CAMTA1: variants seen among roughly 807,000 people sequenced by gnomAD.
CAMTA1 encodes the protein calmodulin binding transcription activator 1.
In CAMTA1, 27 loss-of-function variants were observed where a neutral mutation model predicts 170.9. The ratio of observed to expected loss-of-function variants is 0.16; its 90% CI spans 0.12 to 0.22. The LOEUF (loss-of-function observed/expected upper bound fraction) is 0.22, where lower values mean the gene tolerates loss of function less well. Among genes scored for constraint, CAMTA1 ranks in the 10% least tolerant of loss-of-function variants. CAMTA1 has a pLI of 1.00. For missense variants in CAMTA1, 1,619 were observed against 2,217.2 expected, an observed-to-expected ratio of 0.73 and a Z score of 5.42; for synonymous variants, 833 against 891.5, an observed-to-expected ratio of 0.93 and a Z score of 1.17.
At position 7,663,604 on chromosome 1, in the gene CAMTA1, G is replaced by A. The variant is rs1325441787; in HGVS notation, c.1057G>A (p.Asp353Asn). ...CTCCACCAACCAGGTGGAAGTCCCCGACACCACCCAGAGCTCCCCTGTGTC... is the reference window on the plus strand; with the variant it reads ...CTCCACCAACCAGGTGGAAGTCCCCAACACCACCCAGAGCTCCCCTGTGTC... ...VSSTNQVEVP[D>N]TTQSSPVSIS... The change falls in exon 9 of 23, where the codon GAC (aspartate) becomes AAC (asparagine). Residue 353 changes from aspartate to asparagine, a missense_variant. Around this residue, in one of 8 missense-constraint regions of CAMTA1, gnomAD observed 731 missense variants for 907.6 expected, o/e 0.81. Coordinates refer to ENST00000303635, the MANE Select transcript of CAMTA1 (RefSeq NM_015215.4). 3 of 1,614,088 alleles carry A rather than the reference G, an allele frequency of 1.9e-6. No homozygotes were observed. The highest frequency in any genetic ancestry group is 2.5e-6 in the Non-Finnish European group (3 of 1,180,022).
Position 7,675,376 on chromosome 1 carries a change from G to C in CAMTA1, c.2780-2223G>C, listed in dbSNP as rs543107140. Among the ~76,000 whole-genome samples the C allele has an allele frequency of 5.3e-5, 8 of 152,334 alleles. No homozygotes were observed. In the East Asian group the frequency reaches 1.5e-3, roughly 29 times the overall value. On this transcript the variant is annotated intron_variant, in intron 10 of 22. Transcript: ENST00000303635. ...TTTGGTTTGATGTTACTTGCAATGG[G>C]AGGCTGTTAGCTTTAAGCAGGGAGT...
At chr1:7,030,991 T>C (rs1702714524) in intron 3 of CAMTA1, among the ~76,000 whole-genome samples, 4 of 146,500 alleles carry the variant, frequency 2.7e-5, no homozygotes, top group Admixed American at 6.9e-5. Flanking sequence ...CTCGCCACCA[T>C]GCCCAGCTAA....
chr1:7,495,460 C>T (rs564531977), intron 6 of CAMTA1, among the ~76,000 whole-genome samples: 12 of 152,312 alleles, frequency 7.9e-5, no homozygotes, highest in African/African-American at 2.9e-4. Context: ...GCCCCATGTT[C>T]CATCCCCAGA....
rs530894786 is a variant in CAMTA1, at chr1:7,540,488, C to T, written c.510+72587C>T. 4.6e-5 allele frequency among the ~76,000 whole-genome samples: 7 copies of T among 152,304 alleles called. No homozygotes were observed. In the East Asian group the frequency reaches 1.2e-3, roughly 25 times the overall value. Reference sequence around the variant, plus strand: ...GGGAGAATAGAAGCTGGAAGGGTAGCAGTCCGGCATCCAGGCCCCAGCTCA... The same window carrying T: ...GGGAGAATAGAAGCTGGAAGGGTAGTAGTCCGGCATCCAGGCCCCAGCTCA... On this transcript the variant is annotated intron_variant, in intron 6 of 22. Coordinates refer to ENST00000303635, the MANE Select transcript of CAMTA1 (RefSeq NM_015215.4).
At chr1:6,851,691 C>CA (rs1393520969) in intron 3 of CAMTA1, among the ~76,000 whole-genome samples, 2 of 152,070 alleles carry the variant, frequency 1.3e-5, no homozygotes, top group Non-Finnish European at 2.9e-5. Flanking sequence ...TCAGCCTAGC[C>CA]AATGTGGCAA....
intron 6 of CAMTA1, among the ~76,000 whole-genome samples, chr1:7,511,528 T>C (rs1251254943): frequency 6.6e-6 from 1 of 152,156 alleles, no homozygotes; most frequent in East Asian, 1.9e-4. Flanking sequence ...GATATGTCTG[T>C]GGCTGTCTCT....
intron 6 of CAMTA1, among the ~76,000 whole-genome samples, chr1:7,615,667 G>T (rs1365735947): frequency 1.3e-5 from 2 of 152,244 alleles, no homozygotes; most frequent in Admixed American, 6.5e-5. Flanking sequence ...AGGTGAGGGG[G>T]TTTTGTGGCC....
chr1:7,409,524 A>G (rs2090551383), intron 5 of CAMTA1, among the ~76,000 whole-genome samples: 1 of 80,332 alleles, frequency 1.2e-5, no homozygotes, highest in Admixed American at 1.7e-4. Context: ...CTCACCTGAC[A>G]CTTGCAGGCT....
chr1:7,493,267 GCACA>G (rs1406009072), intron 6 of CAMTA1, among the ~76,000 whole-genome samples: 1 of 71,894 alleles, frequency 1.4e-5, no homozygotes, highest in Non-Finnish European at 2.5e-5. Flanking sequence ...ACGTACACAC[GCACA>G]CAAACATACA....
chr1:7,509,813 G>A (rs12404115), intron 6 of CAMTA1, among the ~76,000 whole-genome samples: 1 of 152,000 alleles, frequency 6.6e-6, no homozygotes, highest in Non-Finnish European at 1.5e-5. Flanking sequence ...GGTGTGAGGG[G>A]ATGTGGACAT....
rs977562975 is a variant in CAMTA1 at position 6,886,326 on chromosome 1, G to T, written c.234+61116G>T. 76 of 445,062 alleles carry T rather than the reference G, an allele frequency of 1.7e-4. 1 individual carries two copies. The highest frequency in any genetic ancestry group is 1.2e-3 in the South Asian group (76 of 61,674). The allele number at this position is 445,062 out of a possible 1,614,324, so 27.6% of individuals were successfully genotyped here. On this transcript the variant is annotated intron_variant, in intron 3 of 22. Transcript: ENST00000303635. ...CTGCTGTCTGATTCCAGAGGAACTC[G>T]TATTTTATGTTAAAAAAAATGTAAT...
intron 3 of CAMTA1, among the ~76,000 whole-genome samples, chr1:6,896,669 G>C (rs1675732827): frequency 6.6e-6 from 1 of 152,104 alleles, no homozygotes; most frequent in Non-Finnish European, 1.5e-5. Context: ...AGAAGCTGAT[G>C]CAGAGGGTTC....
intron 1 of CAMTA1, among the ~76,000 whole-genome samples, chr1:6,786,464 G>A (rs969853385): frequency 6.6e-6 from 1 of 152,082 alleles, no homozygotes; most frequent in Non-Finnish European, 1.5e-5. Flanking sequence ...ATCTTCTTTG[G>A]ATTCTTTTGG....
At chr1:7,389,732 G>A (rs896586987) in intron 5 of CAMTA1, 3 of 152,638 alleles carry the variant, frequency 2.0e-5, no homozygotes, top group African/African-American at 7.2e-5. Context: ...CCTTCACAGT[G>A]GTCTGGACAG....
At chr1:7,088,203 C>G (rs1295013965) in intron 3 of CAMTA1, among the ~76,000 whole-genome samples, 5 of 152,198 alleles carry the variant, frequency 3.3e-5, no homozygotes, top group Admixed American at 1.3e-4. Context: ...GGAAAGGCTT[C>G]TCTCAGAGGG....
At chr1:6,902,188 A>G (rs915212954) in intron 3 of CAMTA1, among the ~76,000 whole-genome samples, 11 of 152,186 alleles carry the variant, frequency 7.2e-5, no homozygotes, top group African/African-American at 2.7e-4. Context: ...AATCTTACAA[A>G]TCTGCATTTA....
chr1:7,130,097 C>A (rs1273467655), intron 4 of CAMTA1, among the ~76,000 whole-genome samples: 1 of 152,058 alleles, frequency 6.6e-6, no homozygotes, highest in Non-Finnish European at 1.5e-5. Flanking sequence ...CGTCACTATG[C>A]CTGGCTAATT....
In CAMTA1 at chr1:7,047,955, A is replaced by G. The variant is rs1171578893; in HGVS notation, c.235-43349A>G. On this transcript the variant is annotated intron_variant, in intron 3 of 22. Transcript: ENST00000303635. ...GTGACTTTTTCTAGTATTCATTGAC[A>G]AAGAAGAGATTTTAGGACATCTCTC... Among the ~76,000 whole-genome samples the G allele has an allele frequency of 3.9e-5, 6 of 151,904 alleles. No individual in the cohort carries two copies. In the East Asian group the frequency reaches 1.2e-3, roughly 29 times the overall value.
At chr1:7,375,377 A>T (rs1281797097) in intron 5 of CAMTA1, among the ~76,000 whole-genome samples, 1 of 152,004 alleles carries the variant, frequency 6.6e-6, no homozygotes, top group Non-Finnish European at 1.5e-5. Context: ...CACCCTAGAG[A>T]CTCCAGTGGG....
Sources: gnomAD v4.1 joint callset for allele counts (sites outside exome capture counted in the v4.1 genomes callset) on GRCh38, gnomAD v4.1.1 for gene constraint, gnomAD v4.1.1 regional missense constraint, MANE v1.5 for transcripts, NCBI Gene and HGNC (gene_info 2026-07-23, HGNC 2026-07-21) for gene names.